The following STAG1 variants were observed in gnomAD, a reference collection of about 807,000 sequenced individuals.
STAG1 encodes the protein STAG1 cohesin complex component, also known as cohesin subunit SA-1.
STAG1 carries 26 observed loss-of-function variants against 170.9 expected under a neutral mutation model. That is an observed-to-expected ratio of 0.15 (90% CI 0.11 to 0.21). The LOEUF is 0.21. Among genes scored for constraint, STAG1 ranks in the 10% least tolerant of loss-of-function variants. STAG1 has a pLI of 1.00. For synonymous variants in STAG1, 514 were observed against 497.7 expected, an observed-to-expected ratio of 1.03 and a Z score of -0.44; for missense variants, 964 against 1,509.5, an observed-to-expected ratio of 0.64 and a Z score of 5.99.
chr3:136,692,399 C>CTGAGA (rs1942756836), intron 1 of STAG1, among the ~76,000 whole-genome samples: 1 of 149,692 alleles, frequency 6.7e-6, no homozygotes, highest in Admixed American at 6.7e-5. Flanking sequence ...CTTTGGGAGG[C>CTGAGA]CAAGGTGGGC....
At chr3:136,430,453 T>G (rs537357628) in intron 16 of STAG1, among the ~76,000 whole-genome samples, 7 of 152,278 alleles carry the variant, frequency 4.6e-5, no homozygotes, top group African/African-American at 1.4e-4. Flanking sequence ...TCTTTTTCCC[T>G]TTTGTGTTAC....
intron 7 of STAG1, among the ~76,000 whole-genome samples, chr3:136,505,121 A>G (rs1386764053): frequency 6.6e-6 from 1 of 152,190 alleles, no homozygotes; most frequent in African/African-American, 2.4e-5. Context: ...GAGTCCACTG[A>G]AAAAGACTTA....
At chr3:136,518,541 G>C in intron 7 of STAG1, 1 of 602,250 alleles carries the variant, frequency 1.7e-6, no homozygotes, top group Non-Finnish European at 3.0e-6. Flanking sequence ...GTCCAGCCTG[G>C]AATTAAGTTC....
chr3:136,401,772 T>C (rs1340489701), intron 21 of STAG1, among the ~76,000 whole-genome samples: 6 of 152,216 alleles, frequency 3.9e-5, no homozygotes, highest in Non-Finnish European at 7.3e-5. Flanking sequence ...GATATTCCTT[T>C]ATTTTATTTT....
At chr3:136,692,421 G>A (rs545389905) in intron 1 of STAG1, among the ~76,000 whole-genome samples, 2 of 151,540 alleles carry the variant, frequency 1.3e-5, no homozygotes, top group Admixed American at 1.3e-4. Flanking sequence ...GATCACCTGA[G>A]GTCAAGAGTT....
At chr3:136,468,494 C>T (rs1460242550) in intron 12 of STAG1, among the ~76,000 whole-genome samples, 1 of 152,118 alleles carries the variant, frequency 6.6e-6, no homozygotes, top group Admixed American at 6.6e-5. Context: ...ATAACAGGCT[C>T]TGAAATTGAG....
At position 136,714,452 on chromosome 3, in the gene STAG1, G is replaced by A. The variant is rs144069549; in HGVS notation, c.-84+37743C>T. On this transcript the variant is annotated intron_variant, in intron 1 of 33. Coordinates refer to ENST00000383202, the MANE Select transcript of STAG1 (RefSeq NM_005862.3). The stretch of plus-strand genomic sequence containing the variant: ...TAGGAAAAATAAGAAAATTAGGCCG[G>A]GCGTGGTGGCTCACGCCTGTAATCC... Among the ~76,000 whole-genome samples the A allele has an allele frequency of 1.6e-4, 25 of 152,152 alleles. No homozygotes were observed. The East Asian group carries it at 3.9e-3, about 24-fold the overall frequency.
chr3:136,583,244 G>T (rs1937634321), intron 4 of STAG1, among the ~76,000 whole-genome samples: 1 of 152,034 alleles, frequency 6.6e-6, no homozygotes, highest in Non-Finnish European at 1.5e-5. Context: ...CTCAAAACAG[G>T]ACCACTCAGA....
chr3:136,431,538 G>A (rs982770695), intron 16 of STAG1, among the ~76,000 whole-genome samples: 1 of 152,168 alleles, frequency 6.6e-6, no homozygotes, highest in African/African-American at 2.4e-5. Flanking sequence ...CCAAAGTGCT[G>A]GGATTACAGG....
chr3:136,448,959 A>G (rs2088861547), intron 14 of STAG1, among the ~76,000 whole-genome samples: 1 of 152,094 alleles, frequency 6.6e-6, no homozygotes, highest in Non-Finnish European at 1.5e-5. Context: ...TATTATTTCT[A>G]AAGTCTCTTT....
At chr3:136,422,347 T>G in intron 19 of STAG1, 63 bp downstream of exon 19, 1 of 1,451,232 alleles carries the variant, frequency 6.9e-7, no homozygotes, top group Non-Finnish European at 9.6e-7. Context: ...ATTTACACAC[T>G]CAGCTATCTT....
At chr3:136,490,199 C>T (rs937152196) in intron 9 of STAG1, among the ~76,000 whole-genome samples, 14 of 152,008 alleles carry the variant, frequency 9.2e-5, no homozygotes, top group African/African-American at 2.7e-4. Context: ...GACCATCACA[C>T]CCCTTTTTTT....
chr3:136,625,008 A>G (rs530622264), intron 2 of STAG1, among the ~76,000 whole-genome samples: 2 of 152,120 alleles, frequency 1.3e-5, no homozygotes, highest in East Asian at 1.9e-4. Flanking sequence ...TTTAAAACAG[A>G]TATGTTGTGT....
intron 7 of STAG1, among the ~76,000 whole-genome samples, chr3:136,503,472 C>T (rs968245182): frequency 3.3e-5 from 5 of 152,168 alleles, no homozygotes; most frequent in African/African-American, 1.2e-4. Flanking sequence ...ACAGGTATGA[C>T]ACAAACCTCA....
chr3:136,657,061 AT>A lies in STAG1; in HGVS notation c.-83-26081del, dbSNP rs556393054. ...AAATGGAGAGCAATTACTTGTGAAT[AT>A]TTTTTATACACTATTAAGAACTATG... On this transcript the variant is annotated intron_variant, in intron 1 of 33. Transcript: ENST00000383202. 8.6e-5 allele frequency among the ~76,000 whole-genome samples: 13 copies of A among 151,974 alleles called. No homozygotes were observed. The East Asian group carries it at 2.3e-3, about 27-fold the overall frequency.
chr3:136,566,124 T>C (rs1210405815), intron 5 of STAG1, among the ~76,000 whole-genome samples: 1 of 152,188 alleles, frequency 6.6e-6, no homozygotes, highest in Non-Finnish European at 1.5e-5. Context: ...CTACAATGGA[T>C]TGAATGTTTG....
chr3:136,391,092 A>C (rs2086996867), intron 22 of STAG1, among the ~76,000 whole-genome samples: 1 of 152,194 alleles, frequency 6.6e-6, no homozygotes, highest in Non-Finnish European at 1.5e-5. Flanking sequence ...TTTACAGCTA[A>C]ATACCTCAAT....
chr3:136,598,483 A>G (rs181976335), intron 4 of STAG1, among the ~76,000 whole-genome samples: 274 of 150,816 alleles, frequency 1.8e-3, no homozygotes, highest in African/African-American at 6.4e-3. Context: ...CTGGAGTGCA[A>G]TGGCGCAATC....
At chr3:136,626,848 C>T (rs1158235902) in intron 2 of STAG1, among the ~76,000 whole-genome samples, 1 of 152,220 alleles carries the variant, frequency 6.6e-6, no homozygotes. Context: ...AACTTGTCCA[C>T]AGTCGCACAC....
Sources: allele counts gnomAD v4.1 joint callset (sites outside exome capture counted in the v4.1 genomes callset), GRCh38; gene constraint gnomAD v4.1.1; transcripts MANE v1.5; gene names NCBI Gene and HGNC (gene_info 2026-07-23, HGNC 2026-07-21).